The following DGKB variants were observed in gnomAD, a reference collection of about 807,000 sequenced individuals.
DGKB encodes diacylglycerol kinase beta.
A neutral mutation model predicts 114.3 loss-of-function variants in DGKB; 67 were observed. The ratio of observed to expected loss-of-function variants is 0.59; its 90% CI spans 0.48 to 0.72. The LOEUF (loss-of-function observed/expected upper bound fraction) is 0.72. Ranked by LOEUF, DGKB falls within the 30% of genes least tolerant of loss-of-function variation. The pLI is 0.00. For synonymous variants in DGKB, 398 were observed against 323.1 expected, an observed-to-expected ratio of 1.23 and a Z score of -2.49; for missense variants, 907 against 975.2, an observed-to-expected ratio of 0.93 and a Z score of 0.93.
chr7:14,872,614 A>AC (rs1348816253), intron 1 of DGKB, among the ~76,000 whole-genome samples: 1 of 152,072 alleles, frequency 6.6e-6, no homozygotes, highest in Non-Finnish European at 1.5e-5. Context: ...ACACCATTAT[A>AC]CTCACTGTTT....
At chr7:14,884,494 T>A (rs935990891) in intron 1 of DGKB, among the ~76,000 whole-genome samples, 4 of 152,000 alleles carry the variant, frequency 2.6e-5, no homozygotes, top group Non-Finnish European at 5.9e-5. Flanking sequence ...TTTTAAAATA[T>A]CTGTACTTCT....
intron 1 of DGKB, among the ~76,000 whole-genome samples, chr7:14,843,166 G>A (rs1468650875): frequency 6.6e-6 from 1 of 150,758 alleles, no homozygotes; most frequent in Non-Finnish European, 1.5e-5. Flanking sequence ...GCAGTGAGCT[G>A]TGATTATGCT....
intron 23 of DGKB, among the ~76,000 whole-genome samples, chr7:14,218,165 G>A (rs530154971): frequency 6.6e-6 from 1 of 152,082 alleles, no homozygotes; most frequent in South Asian, 2.1e-4. Context: ...TGAGAGAAAA[G>A]AATAATCAGT....
At chr7:14,778,155 GC>G (rs1838489774) in intron 2 of DGKB, among the ~76,000 whole-genome samples, 1 of 152,162 alleles carries the variant, frequency 6.6e-6, no homozygotes, top group Non-Finnish European at 1.5e-5. Context: ...GAAGAAAATT[GC>G]TTTGAAGCAG....
At chr7:14,466,827 A>G (rs1279127498) in intron 21 of DGKB, among the ~76,000 whole-genome samples, 1 of 152,144 alleles carries the variant, frequency 6.6e-6, no homozygotes, top group African/African-American at 2.4e-5. Context: ...AAATAAATAA[A>G]TAGCAACATT....
rs375261011 is a variant in DGKB at position 14,449,736 on chromosome 7, C to T, written c.1835+28425G>A. The stretch of plus-strand genomic sequence containing the variant: ...TAACCTCCTCTCCAACATCTACATT[C>T]CTTTAGAGTAGTAGTATATTCTTGC... On this transcript the variant is annotated intron_variant, in intron 21 of 25. Coordinates refer to ENST00000402815, the MANE Select transcript of DGKB (RefSeq NM_001350709.2). 6.6e-5 allele frequency among the ~76,000 whole-genome samples: 10 copies of T among 152,138 alleles called. No homozygotes were observed. The East Asian group carries it at 1.9e-3, about 29-fold the overall frequency.
intron 8 of DGKB, among the ~76,000 whole-genome samples, chr7:14,695,530 C>G (rs1823701824): frequency 1.1e-5 from 1 of 90,302 alleles, no homozygotes; most frequent in African/African-American, 4.7e-5. Flanking sequence ...GATGGAGTCT[C>G]ACTCTGTCGC....
rs144660167 is a variant in DGKB, at chr7:14,425,793, T to C, written c.1835+52368A>G. On this transcript the variant is annotated intron_variant, in intron 21 of 25. Transcript: ENST00000402815. ...TTAGACTTGCATTAAAGATGATTAA[T>C]AGTATCTTCTTTGGTGCCTAATCAG... Among the ~76,000 whole-genome samples, 294 of 152,294 alleles carry C rather than the reference T, an allele frequency of 1.9e-3. 1 individual carries two copies. Among genetic ancestry groups the C allele is most frequent in the Middle Eastern group, 0.01 (3 of 294 alleles).
chr7:14,507,234 G>A (rs1787232276), intron 20 of DGKB, among the ~76,000 whole-genome samples: 1 of 151,902 alleles, frequency 6.6e-6, no homozygotes. Flanking sequence ...AAAATTAAGA[G>A]CAATGTATTT....
At chr7:14,250,029 A>G (rs1452621433) in intron 23 of DGKB, among the ~76,000 whole-genome samples, 3 of 151,778 alleles carry the variant, frequency 2.0e-5, no homozygotes, top group Admixed American at 6.6e-5. Context: ...ATCATGGGTC[A>G]CTACAGCCTC....
intron 1 of DGKB, among the ~76,000 whole-genome samples, chr7:14,865,759 G>A (rs886498563): frequency 6.6e-6 from 1 of 152,102 alleles, no homozygotes; most frequent in Non-Finnish European, 1.5e-5. Context: ...ATGTGCATAG[G>A]AGAGATAATT....
chr7:14,521,023 T>C (rs747926042), intron 20 of DGKB, among the ~76,000 whole-genome samples: 3 of 152,144 alleles, frequency 2.0e-5, no homozygotes, highest in African/African-American at 7.2e-5. Context: ...GAATATGTTA[T>C]TCCACTATCT....
intron 21 of DGKB, among the ~76,000 whole-genome samples, chr7:14,458,553 C>A (rs1832628797): frequency 6.6e-6 from 1 of 152,070 alleles, no homozygotes; most frequent in Non-Finnish European, 1.5e-5. Context: ...AGAGGGTGAG[C>A]CGAAGCAGGG....
chr7:14,826,621 C>G (rs1845738987), intron 2 of DGKB, among the ~76,000 whole-genome samples: 1 of 152,084 alleles, frequency 6.6e-6, no homozygotes, highest in Admixed American at 6.6e-5. Flanking sequence ...TGGAAACAGT[C>G]CATCTGATTT....
chr7:14,472,018 C>T (rs959271510), intron 21 of DGKB, among the ~76,000 whole-genome samples: 1 of 152,138 alleles, frequency 6.6e-6, no homozygotes, highest in Non-Finnish European at 1.5e-5. Context: ...TGGATTTAAA[C>T]AGTATTATTG....
intron 8 of DGKB, among the ~76,000 whole-genome samples, chr7:14,696,284 G>C (rs926007403): frequency 3.3e-5 from 5 of 151,900 alleles, no homozygotes; most frequent in South Asian, 2.1e-4. Context: ...AGGAGGTCAG[G>C]AGATCGAGAC....
intron 25 of DGKB, among the ~76,000 whole-genome samples, chr7:14,156,989 A>G (rs1279686371): frequency 1.3e-5 from 2 of 152,136 alleles, no homozygotes; most frequent in Non-Finnish European, 2.9e-5. Flanking sequence ...TTCTTCAAAC[A>G]TACCTCAGCA....
chr7:14,413,161 A>C (rs1470417514), intron 21 of DGKB, among the ~76,000 whole-genome samples: 1 of 152,138 alleles, frequency 6.6e-6, no homozygotes, highest in Non-Finnish European at 1.5e-5. Flanking sequence ...AGAGTGCAAC[A>C]TGGAGAAAAT....
At chr7:14,941,490 A>C (rs577258776) in intron 1 of DGKB, among the ~76,000 whole-genome samples, 3 of 152,224 alleles carry the variant, frequency 2.0e-5, no homozygotes, top group Admixed American at 6.5e-5. Context: ...CAGCATAATT[A>C]AATGGGTTTC....
Sources: gnomAD v4.1 joint callset for allele counts (sites outside exome capture counted in the v4.1 genomes callset) on GRCh38, gnomAD v4.1.1 for gene constraint, MANE v1.5 for transcripts, NCBI Gene and HGNC (gene_info 2026-07-23, HGNC 2026-07-21) for gene names.